The following PTPRS variants were observed in gnomAD, a reference collection of about 807,000 sequenced individuals.
PTPRS encodes the protein receptor-type tyrosine-protein phosphatase S.
PTPRS carries 63 observed loss-of-function variants against 215.3 expected under a neutral mutation model. The observed-to-expected ratio is 0.29, with a 90% CI of 0.24 to 0.36. PTPRS has a LOEUF of 0.36. Among genes scored for constraint, PTPRS ranks in the 10% least tolerant of loss-of-function variants. The probability of loss-of-function intolerance (pLI) is 1.00; values close to 1 mark genes in which losing one functional copy is unlikely to be tolerated. For synonymous variants in PTPRS, 1,404 were observed against 1,191.4 expected, an observed-to-expected ratio of 1.18 and a Z score of -3.68; for missense variants, 2,258 against 2,825.8, an observed-to-expected ratio of 0.80 and a Z score of 4.56.
intron 16 of PTPRS, among the ~76,000 whole-genome samples, chr19:5,226,967 G>C (rs956567382): frequency 2.6e-5 from 4 of 152,050 alleles, no homozygotes; most frequent in African/African-American, 7.2e-5. Context: ...AATTGACATG[G>C]TGGGAAGTAT....
chr19:5,339,843 T>TCCCCACGGGGCCCCCAGCGCGGAGGGGA lies in PTPRS; in HGVS notation c.-95+793_-95+820dup, dbSNP rs1341725267. On this transcript the variant is annotated intron_variant, in intron 1 of 37. Coordinates refer to ENST00000262963, the MANE Select transcript of PTPRS (RefSeq NM_002850.4). This position sits in a 1 kb window ranked among gnomAD's most constrained non-coding sequence, Gnocchi z 4.2. The stretch of plus-strand genomic sequence containing the variant: ...AGGGGCGGCTTCCCCACTCTCGGGA[T>TCCCCACGGGGCCCCCAGCGCGGAGGGGA]CCCCACGGGGCCCCCAGCGCGGAGG... 6.6e-6 allele frequency among the ~76,000 whole-genome samples: 1 copy of TCCCCACGGGGCCCCCAGCGCGGAGGGGA among 151,348 alleles called. No homozygotes were observed. Among genetic ancestry groups the TCCCCACGGGGCCCCCAGCGCGGAGGGGA allele is most frequent in the Non-Finnish European group, 1.5e-5 (1 of 67,706 alleles).
At chr19:5,208,433 G>T (rs777679677) in intron 35 of PTPRS, 42 bp from the exon 36 acceptor site, 1 of 1,460,840 alleles carries the variant, frequency 6.8e-7, no homozygotes, top group Non-Finnish European at 9.1e-7. Context: ...GGTCAGCAGC[G>T]GCCATGGGGG....
rs2147031982 is a variant in PTPRS at position 5,293,520 on chromosome 19, T to G, written c.-94-7286A>C. On this transcript the variant is annotated intron_variant, in intron 1 of 37. Transcript: ENST00000262963. The surrounding 1 kb of genome is among the most constrained non-coding windows in gnomAD (Gnocchi z 8.4). ...CCAAGACCCCTCCCTCCCGAAGACG[T>G]CTCACGGGGAGCCTCTACACTGCTC... is the stretch of plus-strand genomic sequence containing the variant. Among the ~76,000 whole-genome samples, 1 of 152,042 alleles carries G rather than the reference T, an allele frequency of 6.6e-6. No homozygotes were observed. The highest frequency in any genetic ancestry group is 2.0e-4 in the East Asian group (1 of 5,116).
chr19:5,335,091 G>A (rs1352044799), intron 1 of PTPRS, among the ~76,000 whole-genome samples: 3 of 152,194 alleles, frequency 2.0e-5, no homozygotes, highest in Middle Eastern at 3.4e-3. Context: ...AATTACCCAC[G>A]TGACAGCGCG....
chr19:5,286,976 C>A (rs1296975853), intron 1 of PTPRS, among the ~76,000 whole-genome samples: 1 of 152,192 alleles, frequency 6.6e-6, no homozygotes, highest in Non-Finnish European at 1.5e-5. Context: ...ATGCTGCTGT[C>A]TGGCTCTAAA....
chr19:5,330,522 C>T (rs577564990), intron 1 of PTPRS, among the ~76,000 whole-genome samples: 28 of 152,342 alleles, frequency 1.8e-4, no homozygotes, highest in East Asian at 5.8e-4. Context: ...TCACCCCTAA[C>T]GGTTCACGAA....
chr19:5,310,708 CTTGT>C (rs558787727), intron 1 of PTPRS, among the ~76,000 whole-genome samples: 3 of 150,490 alleles, frequency 2.0e-5, no homozygotes, highest in African/African-American at 7.3e-5. Flanking sequence ...TTGGGTGTTT[CTTGT>C]TTTTGTTTTT....
chr19:5,206,139 A>G lies in PTPRS; in HGVS notation c.*635T>C, dbSNP rs2040349948. 3.3e-5 allele frequency among the ~76,000 whole-genome samples: 5 copies of G among 151,610 alleles called. No individual in the cohort carries two copies. The highest frequency in any genetic ancestry group is 3.3e-4 in the Admixed American group (5 of 15,216). On this transcript the variant is annotated 3_prime_UTR_variant, in exon 38 of 38. Coordinates refer to ENST00000262963, the MANE Select transcript of PTPRS (RefSeq NM_002850.4). ...GCGTTTGCGAACGTAACTATCACAC[A>G]AGGACGCTTTCTACAGTGAAAAAAT...
Position 5,258,023 on chromosome 19 carries a change from C to G in PTPRS, c.700G>C (p.Val234Leu), listed in dbSNP as rs1435990354. ...TGGACGCGGCGTTCCCTACCTCGCA[C>G]GTAGAGGTTGGCAGGTGAGGAGTAG... ...VRYSSPANLYVRELREVRRVA... is the reference protein window; with the variant it reads ...VRYSSPANLYLRELREVRRVA... Residue 234 changes from valine to leucine, a missense_variant, in exon 8 of 38, where the codon GTG becomes CTG. Coordinates refer to ENST00000262963, the MANE Select transcript of PTPRS (RefSeq NM_002850.4). 6.2e-7 allele frequency: 1 copy of G among 1,613,196 alleles called. No individual in the cohort carries two copies. The highest frequency in any genetic ancestry group is 1.3e-5 in the African/African-American group (1 of 74,920).
chr19:5,251,907 G>A (rs536432969), intron 9 of PTPRS, among the ~76,000 whole-genome samples: 2 of 152,104 alleles, frequency 1.3e-5, no homozygotes, highest in Non-Finnish European at 2.9e-5. Flanking sequence ...ACCTCAACGC[G>A]AGGCTTTCTG....
chr19:5,302,819 AGGTT>A, intron 1 of PTPRS, among the ~76,000 whole-genome samples: 1 of 148,986 alleles, frequency 6.7e-6, no homozygotes, highest in Admixed American at 6.8e-5. Context: ...GCACTTTGGG[AGGTT>A]GAGGCGGGCG....
chr19:5,285,950 C>T (rs1186807471), intron 2 of PTPRS, 100 bp downstream of exon 2: 4 of 1,138,958 alleles, frequency 3.5e-6, no homozygotes, highest in East Asian at 5.1e-5. Context: ...ATGGAGGGCC[C>T]CAGGGAGGAG....
At chr19:5,252,921 T>C (rs972619190) in intron 9 of PTPRS, among the ~76,000 whole-genome samples, 3 of 150,042 alleles carry the variant, frequency 2.0e-5, no homozygotes, top group Non-Finnish European at 3.0e-5. Context: ...AAATTCCTCC[T>C]GATGTCTCCA....
At chr19:5,280,989 A>C (rs1394694858) in intron 2 of PTPRS, among the ~76,000 whole-genome samples, 1 of 151,742 alleles carries the variant, frequency 6.6e-6, no homozygotes, top group Non-Finnish European at 1.5e-5. Flanking sequence ...AGGGGGTTTC[A>C]GCATGTTGGC....
chr19:5,223,111 C>T lies in PTPRS; in HGVS notation c.2681G>A (p.Gly894Asp). 1 of 1,567,912 alleles carries T rather than the reference C, an allele frequency of 6.4e-7. No individual in the cohort carries two copies. The highest frequency in any genetic ancestry group is 8.6e-7 in the Non-Finnish European group (1 of 1,157,136). Residue 894 changes from glycine (G) to aspartate (D), a missense_variant, in exon 18 of 38, where the codon GGC becomes GAC. Physicochemically the swap from Gly to Asp is moderately conservative, Grantham distance 94 (BLOSUM62 -1). Transcript: ENST00000262963. Reference sequence around the variant, plus strand: ...CACATACGTGGCCCCCTTGTGCACGCCTGATGCCGTGTAGCGGTCCTCGGA... The same window carrying T: ...CACATACGTGGCCCCCTTGTGCACGTCTGATGCCGTGTAGCGGTCCTCGGA... ...PPSEDRYTAS[G>D]VHKGATYVFR...
chr19:5,319,195 C>T (rs1167221622), intron 1 of PTPRS, among the ~76,000 whole-genome samples: 3 of 152,126 alleles, frequency 2.0e-5, no homozygotes, highest in Admixed American at 6.5e-5. Context: ...GCAGATCACC[C>T]GAGGTCAGGA....
chr19:5,242,696 A>G (rs2044148060), intron 11 of PTPRS, among the ~76,000 whole-genome samples: 1 of 149,176 alleles, frequency 6.7e-6, no homozygotes. Flanking sequence ...ATTTTATTTT[A>G]ATGTTTGTTT....
At chr19:5,271,929 T>A (rs2046946024) in intron 4 of PTPRS, among the ~76,000 whole-genome samples, 3 of 151,982 alleles carry the variant, frequency 2.0e-5, no homozygotes, top group Non-Finnish European at 4.4e-5. Context: ...TTTACCATGT[T>A]GGCCAGGCTG....
chr19:5,221,983 G>A (rs1568400709), intron 19 of PTPRS, 140 bp downstream of exon 19: 17 of 675,132 alleles, frequency 2.5e-5, no homozygotes, highest in Non-Finnish European at 4.4e-5. Flanking sequence ...TATTGACTAA[G>A]CCTCAATCCT....
Sources: gnomAD v4.1 joint callset for allele counts (sites outside exome capture counted in the v4.1 genomes callset) on GRCh38, gnomAD v4.1.1 for gene constraint, Gnocchi (gnomAD v3.1) non-coding constraint, MANE v1.5 for transcripts, NCBI Gene and HGNC (gene_info 2026-07-23, HGNC 2026-07-21) for gene names.